Variants in WDPCP observed in about 807,000 individuals in gnomAD.
WDPCP encodes WD repeat-containing and planar cell polarity effector protein fritz homolog.
Under a neutral mutation model 93.1 loss-of-function variants are expected in WDPCP, and 71 were observed. That is an observed-to-expected ratio of 0.76 (90% CI 0.63 to 0.93). The LOEUF (loss-of-function observed/expected upper bound fraction) is 0.93, where lower values mean the gene tolerates loss of function less well. WDPCP is among the 40% of genes least tolerant of loss of function. The pLI, the probability that WDPCP is intolerant of heterozygous loss-of-function variation, is 0.00. For synonymous variants in WDPCP, 315 were observed against 315.0 expected (o/e 1.00, Z 0.00); for missense variants, 844 against 887.4 (o/e 0.95, Z 0.62).
intron 8 of WDPCP, among the ~76,000 whole-genome samples, chr2:63,436,461 A>C (rs1207147472): frequency 6.6e-6 from 1 of 152,098 alleles, no homozygotes; most frequent in Admixed American, 6.6e-5. Flanking sequence ...CACCTCATTC[A>C]TAAGTAATAA....
rs1697115763 is a variant in WDPCP, at chr2:63,436,037, G to T, written c.633+1384C>A. ...GTAGCTACTACTCTTCAGTTGAGAA[G>T]ATTTTATCAAGCTATCACACCTAAG... On this transcript the variant is annotated intron_variant, in intron 8 of 17. Coordinates refer to ENST00000272321, the MANE Select transcript of WDPCP (RefSeq NM_015910.7). 3.9e-5 allele frequency among the ~76,000 whole-genome samples: 6 copies of T among 152,098 alleles called. No individual in the cohort carries two copies. The South Asian group carries it at 1.2e-3, about 32-fold the overall frequency.
intron 1 of WDPCP, among the ~76,000 whole-genome samples, chr2:63,550,192 AACACACACACACACACACACACACAC>A (rs56155473): frequency 4.5e-5 from 2 of 44,350 alleles, no homozygotes. Context: ...CATCTTAAGA[AACACACACACACACACACACACACAC>A]ACACACACAC....
In WDPCP at chr2:63,588,343, T is replaced by G. The variant is rs757002272; in HGVS notation, c.-72A>C. The G allele has an allele frequency of 1.1e-4, 165 of 1,527,164 alleles. No individual in the cohort carries two copies. Among genetic ancestry groups the G allele is most frequent in the Non-Finnish European group, 1.4e-4 (159 of 1,124,964 alleles). The allele number at this position is 1,527,164 out of a possible 1,614,324, so 94.6% of individuals were successfully genotyped here. A position where few individuals can be genotyped will look rare whatever the true frequency, so the allele number is the denominator to read the frequency against. ...ACCCGAGAGGGAGCGACACGCTCGC[T>G]TGGTCTCTTGGGTCTCCAGGACGCC... On this transcript the variant is annotated 5_prime_UTR_variant, in exon 1 of 18. Transcript: ENST00000272321.
intron 17 of WDPCP, among the ~76,000 whole-genome samples, chr2:63,140,021 T>A (rs1670937291): frequency 6.6e-6 from 1 of 152,268 alleles, no homozygotes; most frequent in African/African-American, 2.4e-5. Context: ...AGTTTCATTC[T>A]CCTACATGTG....
chr2:63,563,754 C>T (rs1706813932), intron 1 of WDPCP, among the ~76,000 whole-genome samples: 1 of 152,114 alleles, frequency 6.6e-6, no homozygotes, highest in Non-Finnish European at 1.5e-5. Context: ...AGAAAACACA[C>T]TCCCTGTTTC....
At chr2:63,813,454 G>A (rs1339993570) in intron 2 of WDPCP, among the ~76,000 whole-genome samples, 1 of 152,190 alleles carries the variant, frequency 6.6e-6, no homozygotes, top group East Asian at 1.9e-4. Flanking sequence ...GTCACAACCT[G>A]ACAGCAAGCT....
chr2:63,249,243 G>C (rs1371405662), intron 14 of WDPCP, among the ~76,000 whole-genome samples: 3 of 152,136 alleles, frequency 2.0e-5, no homozygotes, highest in Non-Finnish European at 2.9e-5. Flanking sequence ...TTATGGTCTT[G>C]TCAGGTCTTT....
At chr2:63,176,262 T>G (rs1359200244) in intron 14 of WDPCP, among the ~76,000 whole-genome samples, 3 of 152,164 alleles carry the variant, frequency 2.0e-5, no homozygotes, top group African/African-American at 7.2e-5. Context: ...CTTTTTTTCT[T>G]TGAGACAGAG....
intron 2 of WDPCP, among the ~76,000 whole-genome samples, chr2:63,689,369 T>C (rs1022600641): frequency 2.0e-5 from 3 of 152,222 alleles, no homozygotes; most frequent in African/African-American, 4.8e-5. Context: ...AGCATCAGAC[T>C]CTTTGATGCT....
At chr2:63,365,484 A>C (rs1690830221) in intron 12 of WDPCP, among the ~76,000 whole-genome samples, 4 of 152,214 alleles carry the variant, frequency 2.6e-5, no homozygotes, top group Admixed American at 2.6e-4. Flanking sequence ...AAAAGTGAGA[A>C]CTACAAAAAA....
chr2:63,715,348 C>T (rs1019186060), intron 2 of WDPCP, among the ~76,000 whole-genome samples: 3 of 152,184 alleles, frequency 2.0e-5, no homozygotes, highest in Non-Finnish European at 4.4e-5. Context: ...CAATTCTCTG[C>T]ATTAAGTATG....
intron 17 of WDPCP, among the ~76,000 whole-genome samples, chr2:63,142,359 A>G (rs948493809): frequency 6.6e-6 from 1 of 152,038 alleles, no homozygotes; most frequent in Non-Finnish European, 1.5e-5. Context: ...AGTTCAAATA[A>G]TTTTTTAATT....
At chr2:63,806,070 C>T (rs62138819) in intron 2 of WDPCP, among the ~76,000 whole-genome samples, 6,969 of 152,150 alleles carry the variant, frequency 0.046, 281 homozygotes, top group African/African-American at 0.098. Context: ...TTCAGGATTG[C>T]GCCACTGCAC....
At chr2:63,566,415 G>A (rs756443079) in intron 1 of WDPCP, among the ~76,000 whole-genome samples, 2 of 152,212 alleles carry the variant, frequency 1.3e-5, no homozygotes, top group Non-Finnish European at 2.9e-5. Flanking sequence ...TGCCTTTCCA[G>A]ACTGAGCCAA....
At chr2:63,654,654 G>C (rs564757083) in intron 2 of WDPCP, among the ~76,000 whole-genome samples, 12 of 152,056 alleles carry the variant, frequency 7.9e-5, no homozygotes, top group Non-Finnish European at 1.5e-4. Flanking sequence ...GACCCCCCAG[G>C]GATAGCAGAA....
At position 63,156,457 on chromosome 2, in the gene WDPCP, C is replaced by T. The variant is rs868486877; in HGVS notation, c.2079-2883G>A. Among the ~76,000 whole-genome samples the T allele has an allele frequency of 7.2e-5, 11 of 151,882 alleles. 1 individual carries two copies. Among genetic ancestry groups the T allele is most frequent in the Middle Eastern group, 6.8e-3 (2 of 294 alleles). ...CTAGTATATAGAAATACAATTGGGC[C>T]GGGAGCGGTGGCTCATGCCTGTAAT... On this transcript the variant is annotated intron_variant, in intron 15 of 17. Coordinates refer to ENST00000272321, the MANE Select transcript of WDPCP (RefSeq NM_015910.7).
chr2:63,224,705 G>C (rs1191047383), intron 14 of WDPCP, among the ~76,000 whole-genome samples: 3 of 151,926 alleles, frequency 2.0e-5, no homozygotes, highest in Non-Finnish European at 4.4e-5. Context: ...AACAATAAAA[G>C]CATCAGTGGT....
At chr2:63,306,003 C>T (rs1184476548) in intron 13 of WDPCP, among the ~76,000 whole-genome samples, 2 of 151,846 alleles carry the variant, frequency 1.3e-5, no homozygotes, top group African/African-American at 4.8e-5. Context: ...GCTAGCCAGA[C>T]TAATAAAGAA....
intron 2 of WDPCP, among the ~76,000 whole-genome samples, chr2:63,722,559 G>A (rs1424858773): frequency 2.7e-5 from 2 of 74,976 alleles, no homozygotes; most frequent in African/African-American, 5.4e-5. Flanking sequence ...GGAGGGAGGT[G>A]GGGGGGGGTC....
Sources: allele counts gnomAD v4.1 joint callset (sites outside exome capture counted in the v4.1 genomes callset), GRCh38; gene constraint gnomAD v4.1.1; transcripts MANE v1.5; gene names NCBI Gene and HGNC (gene_info 2026-07-23, HGNC 2026-07-21).